The following AKAP6 variants were observed in gnomAD, a reference collection of about 807,000 sequenced individuals.
AKAP6 encodes A-kinase anchoring protein 6.
A neutral mutation model predicts 188.5 loss-of-function variants in AKAP6; 58 were observed. The ratio of observed to expected loss-of-function variants is 0.31; its 90% CI spans 0.25 to 0.38. AKAP6 has a LOEUF of 0.38. Among genes scored for constraint, AKAP6 ranks in the 10% least tolerant of loss-of-function variants. The probability of loss-of-function intolerance (pLI) is 1.00; values close to 1 mark genes in which losing one functional copy is unlikely to be tolerated. For missense variants in AKAP6, 2,710 were observed against 2,740.0 expected (o/e 0.99, Z 0.24); for synonymous variants, 989 against 998.6 (o/e 0.99, Z 0.18).
intron 5 of AKAP6, among the ~76,000 whole-genome samples, chr14:32,579,551 T>A (rs1884873687): frequency 6.6e-6 from 1 of 152,120 alleles, no homozygotes; most frequent in Admixed American, 6.6e-5. Context: ...GAAGACCTAG[T>A]GTGTGTGTAT....
intron 11 of AKAP6, among the ~76,000 whole-genome samples, chr14:32,738,324 A>G (rs1009449937): frequency 6.6e-6 from 1 of 152,124 alleles, no homozygotes; most frequent in African/African-American, 2.4e-5. Flanking sequence ...TCCAAATGGG[A>G]AGATATTATT....
chr14:32,639,935 G>A (rs1363265134), intron 7 of AKAP6, among the ~76,000 whole-genome samples: 4 of 152,026 alleles, frequency 2.6e-5, no homozygotes, highest in African/African-American at 7.2e-5. Flanking sequence ...ATTGCTTGGG[G>A]CCTTGTAGTT....
chr14:32,752,815 A>G (rs1166673013), intron 11 of AKAP6, among the ~76,000 whole-genome samples: 1 of 152,204 alleles, frequency 6.6e-6, no homozygotes, highest in African/African-American at 2.4e-5. Flanking sequence ...TTCACTTAAT[A>G]TAATGTCTTC....
In AKAP6 at chr14:32,546,466, A is replaced by G. The variant is rs757538137; in HGVS notation, c.1813A>G (p.Lys605Glu). Residue 605 changes from lysine (K) to glutamate (E), a missense_variant, in exon 4 of 14, where the codon AAA becomes GAA. By Grantham distance (56) the Lys-to-Glu change is moderately conservative (BLOSUM62 1). Coordinates refer to ENST00000280979, the MANE Select transcript of AKAP6 (RefSeq NM_004274.5). ...VPLLSKHKSK[K>E]GQASSPSHVT... is the part of the protein sequence containing the mutation. ...ACTTCTTTCAAAACACAAAAGCAAA[A>G]AAGGTCAAGCCTCCTCTCCAAGTCA... 1.2e-6 allele frequency: 2 copies of G among 1,614,148 alleles called. No individual in the cohort carries two copies. The highest frequency in any genetic ancestry group is 1.3e-5 in the African/African-American group (1 of 75,032).
intron 12 of AKAP6, among the ~76,000 whole-genome samples, chr14:32,804,371 T>A (rs1461668875): frequency 6.6e-6 from 1 of 152,228 alleles, no homozygotes; most frequent in Non-Finnish European, 1.5e-5. Context: ...ACAGCTGGGC[T>A]GCTGGGGGTG....
intron 12 of AKAP6, among the ~76,000 whole-genome samples, chr14:32,800,057 C>CTATA (rs1314660429): frequency 9.5e-6 from 1 of 104,848 alleles, no homozygotes; most frequent in Non-Finnish European, 2.0e-5. Context: ...CTCTCTCTCT[C>CTATA]TCTCTATATA....
intron 12 of AKAP6, among the ~76,000 whole-genome samples, chr14:32,804,021 G>A (rs929603617): frequency 1.3e-5 from 2 of 152,144 alleles, no homozygotes; most frequent in African/African-American, 4.8e-5. Flanking sequence ...ATCTACTTTT[G>A]TATAACTGCA....
chr14:32,675,408 G>T (rs1459876746), intron 7 of AKAP6, among the ~76,000 whole-genome samples: 2 of 152,116 alleles, frequency 1.3e-5, no homozygotes, highest in Non-Finnish European at 2.9e-5. Context: ...ACTTTTTAAA[G>T]TATCCATTGT....
chr14:32,805,693 C>G (rs1447268757), intron 12 of AKAP6, among the ~76,000 whole-genome samples: 2 of 152,128 alleles, frequency 1.3e-5, no homozygotes, highest in African/African-American at 4.8e-5. Flanking sequence ...TTTCTTATCC[C>G]TCTATAGAAG....
chr14:32,589,485 T>C (rs912670210), intron 5 of AKAP6, among the ~76,000 whole-genome samples: 5 of 152,170 alleles, frequency 3.3e-5, no homozygotes, highest in Non-Finnish European at 5.9e-5. Context: ...GAGGCTCAGT[T>C]TGGACATATG....
intron 7 of AKAP6, among the ~76,000 whole-genome samples, chr14:32,656,628 C>A (rs549096123): frequency 3.3e-5 from 5 of 152,144 alleles, no homozygotes; most frequent in African/African-American, 4.8e-5. Flanking sequence ...GGAATACATA[C>A]GTTTAGTGTA....
chr14:32,502,868 A>G (rs1240206190), intron 2 of AKAP6, among the ~76,000 whole-genome samples: 2 of 152,152 alleles, frequency 1.3e-5, no homozygotes, highest in African/African-American at 4.8e-5. Flanking sequence ...CAATCTTTGG[A>G]TATTACAAAC....
chr14:32,583,493 C>T (rs1885078641), intron 5 of AKAP6, among the ~76,000 whole-genome samples: 1 of 152,072 alleles, frequency 6.6e-6, no homozygotes, highest in South Asian at 2.1e-4. Flanking sequence ...TCCACCACTG[C>T]TCTCTTCAAA....
chr14:32,453,801 G>GTTAGCCA (rs376835044), intron 2 of AKAP6, among the ~76,000 whole-genome samples: 3 of 150,760 alleles, frequency 2.0e-5, no homozygotes, highest in Non-Finnish European at 4.4e-5. Context: ...GTTTCACCGT[G>GTTAGCCA]GTCTCGATCT....
intron 7 of AKAP6, among the ~76,000 whole-genome samples, chr14:32,643,575 G>T (rs964940652): frequency 1.3e-5 from 2 of 151,964 alleles, no homozygotes; most frequent in African/African-American, 4.8e-5. Context: ...CAAAGTGTTG[G>T]GATTACAGGC....
intron 5 of AKAP6, among the ~76,000 whole-genome samples, chr14:32,585,569 A>G (rs1885198945): frequency 6.6e-6 from 1 of 152,110 alleles, no homozygotes; most frequent in South Asian, 2.1e-4. Flanking sequence ...GGAATACATG[A>G]TGAATGAGCT....
intron 9 of AKAP6, among the ~76,000 whole-genome samples, chr14:32,704,639 TA>T (rs1890740391): frequency 6.6e-6 from 1 of 152,174 alleles, no homozygotes; most frequent in Non-Finnish European, 1.5e-5. Flanking sequence ...GATGTATGAT[TA>T]AACTTTACAG....
intron 9 of AKAP6, chr14:32,718,318 G>T (rs922417671): frequency 1.4e-4 from 134 of 985,164 alleles, no homozygotes; most frequent in Non-Finnish European, 1.5e-4. Flanking sequence ...CAGCAGCAGC[G>T]TTTAAGCCTT....
At chr14:32,611,629 T>C (rs1381287197) in intron 7 of AKAP6, among the ~76,000 whole-genome samples, 1 of 152,184 alleles carries the variant, frequency 6.6e-6, no homozygotes, top group East Asian at 1.9e-4. Context: ...AGAGCCAGGA[T>C]ACCATATTAA....
Sources: gnomAD v4.1 joint callset for allele counts (sites outside exome capture counted in the v4.1 genomes callset) on GRCh38, gnomAD v4.1.1 for gene constraint, MANE v1.5 for transcripts, NCBI Gene and HGNC (gene_info 2026-07-23, HGNC 2026-07-21) for gene names.